The following MEIS2 variants were observed in gnomAD, a reference collection of about 807,000 sequenced individuals.
The protein encoded by MEIS2 is Meis homeobox 2, also known as homeobox protein Meis2.
Under a neutral mutation model 58.6 loss-of-function variants are expected in MEIS2, and 9 were observed. The observed-to-expected ratio is 0.15, with a 90% CI of 0.09 to 0.27. MEIS2 has a LOEUF of 0.27. MEIS2 is among the 10% of genes least tolerant of loss of function. MEIS2 has a pLI of 1.00. For synonymous variants in MEIS2, 221 were observed against 228.4 expected, an observed-to-expected ratio of 0.97 and a Z score of 0.29; for missense variants, 427 against 635.0, an observed-to-expected ratio of 0.67 and a Z score of 3.52.
At position 37,099,632 on chromosome 15, in the gene MEIS2, A is replaced by G; in HGVS notation, c.-166T>C. On this transcript the variant is annotated 5_prime_UTR_variant, in exon 1 of 12. Transcript: ENST00000561208. Reference sequence around the variant, plus strand: ...TTAGGGGGGAAAAAAAGCCCAGTCTAGACAACGAAGAATTTTTTTTTCTGT... The same window carrying G: ...TTAGGGGGGAAAAAAAGCCCAGTCTGGACAACGAAGAATTTTTTTTTCTGT... The G allele has an allele frequency of 1.1e-6, 1 of 906,714 alleles. No homozygotes were observed. The highest frequency in any genetic ancestry group is 1.6e-6 in the Non-Finnish European group (1 of 630,716). The allele number at this position is 906,714 out of a possible 1,614,324, so 56.2% of individuals were successfully genotyped here. A position where few individuals can be genotyped will look rare whatever the true frequency, so the allele number is the denominator to read the frequency against.
chr15:36,974,826 G>C (rs1052325066), intron 8 of MEIS2, among the ~76,000 whole-genome samples: 1 of 152,170 alleles, frequency 6.6e-6, no homozygotes, highest in African/African-American at 2.4e-5. Flanking sequence ...ACTGAGTTTA[G>C]GATAGACACA....
chr15:37,041,253 C>T (rs962869918), intron 7 of MEIS2, among the ~76,000 whole-genome samples: 18 of 152,208 alleles, frequency 1.2e-4, no homozygotes, highest in Non-Finnish European at 1.3e-4. Context: ...GAATCTGAAA[C>T]TCTAGGTGTG....
intron 7 of MEIS2, among the ~76,000 whole-genome samples, chr15:37,047,585 A>G (rs961743847): frequency 6.6e-6 from 1 of 152,214 alleles, no homozygotes; most frequent in African/African-American, 2.4e-5. Context: ...GGCCATTGAA[A>G]TAAAGACCCT....
intron 9 of MEIS2, among the ~76,000 whole-genome samples, chr15:36,927,183 G>T (rs2057781642): frequency 6.6e-6 from 1 of 152,158 alleles, no homozygotes; most frequent in South Asian, 2.1e-4. Flanking sequence ...GCAGCCAAAA[G>T]ATTTGCAAGG....
At chr15:36,951,753 AT>A (rs1845929734) in intron 8 of MEIS2, among the ~76,000 whole-genome samples, 1 of 152,118 alleles carries the variant, frequency 6.6e-6, no homozygotes, top group African/African-American at 2.4e-5. Flanking sequence ...ATGAAAATAA[AT>A]TTTTCTGATT....
chr15:37,098,384 GAGAGAGAGA>G, intron 1 of MEIS2, 185 bp from the exon 2 acceptor site: 1 of 753,392 alleles, frequency 1.3e-6, no homozygotes. Flanking sequence ...GAGGGGGAGA[GAGAGAGAGA>G]GAGAGAGAGA....
At position 36,953,204 on chromosome 15, in the gene MEIS2, A is replaced by G. The variant is rs146477686; in HGVS notation, c.901-2804T>C. ...GTGTTTTGGATTAATTTACAAATAT[A>G]TGTATACATTTAAGGCCAAACTGTG... is the stretch of plus-strand genomic sequence containing the variant. On this transcript the variant is annotated intron_variant, in intron 8 of 11. Coordinates refer to ENST00000561208, the MANE Select transcript of MEIS2 (RefSeq NM_170675.5). 5.7e-3 allele frequency among the ~76,000 whole-genome samples: 870 copies of G among 152,292 alleles called. 8 individuals carry two copies. Among genetic ancestry groups the G allele is most frequent in the African/African-American group, 0.02 (811 of 41,564 alleles).
At chr15:36,916,972 A>G (rs528021333) in intron 9 of MEIS2, among the ~76,000 whole-genome samples, 17 of 152,312 alleles carry the variant, frequency 1.1e-4, no homozygotes, top group African/African-American at 3.8e-4. Flanking sequence ...AGTAAGTGGC[A>G]GAAGTGGCAG....
chr15:37,020,677 T>TA (rs959717037), intron 8 of MEIS2, among the ~76,000 whole-genome samples: 8 of 150,706 alleles, frequency 5.3e-5, no homozygotes, highest in African/African-American at 1.9e-4. Context: ...TTCTGGTCTT[T>TA]TTTTTTTTTT....
intron 8 of MEIS2, among the ~76,000 whole-genome samples, chr15:37,008,892 C>A (rs1419950759): frequency 6.6e-6 from 1 of 152,154 alleles, no homozygotes; most frequent in East Asian, 1.9e-4. Flanking sequence ...CAGAATGGAA[C>A]CCTAAACCAG....
chr15:36,970,268 G>C (rs930317699), intron 8 of MEIS2, among the ~76,000 whole-genome samples: 2 of 152,036 alleles, frequency 1.3e-5, no homozygotes, highest in Non-Finnish European at 2.9e-5. Flanking sequence ...GCCAGGCGTG[G>C]TGGCGGGCGC....
intron 7 of MEIS2, among the ~76,000 whole-genome samples, chr15:37,069,063 C>CT (rs1054845783): frequency 1.3e-5 from 2 of 152,120 alleles, no homozygotes; most frequent in African/African-American, 4.8e-5. Flanking sequence ...GGCCCAATTT[C>CT]TTTTTTTCTT....
chr15:37,011,625 T>G (rs2061160626), intron 8 of MEIS2, among the ~76,000 whole-genome samples: 1 of 135,374 alleles, frequency 7.4e-6, no homozygotes. Context: ...TTTTTTTTTT[T>G]TTTTTTTTTT....
chr15:37,051,783 G>T (rs1048112837), intron 7 of MEIS2, among the ~76,000 whole-genome samples: 2 of 152,102 alleles, frequency 1.3e-5, no homozygotes, highest in African/African-American at 2.4e-5. Context: ...GGATGATTTG[G>T]GGCAGCATTT....
intron 8 of MEIS2, among the ~76,000 whole-genome samples, chr15:36,994,302 T>G (rs2141567066): frequency 1.3e-5 from 2 of 152,166 alleles, no homozygotes; most frequent in South Asian, 2.1e-4. Flanking sequence ...TTATCAAGGG[T>G]TTTCATACCC....
intron 7 of MEIS2, among the ~76,000 whole-genome samples, chr15:37,071,614 T>C (rs1890721119): frequency 6.6e-6 from 1 of 152,096 alleles, no homozygotes; most frequent in Non-Finnish European, 1.5e-5. Flanking sequence ...TTACTATCAT[T>C]TTACATAAAT....
chr15:36,935,274 C>T (rs1411260257), intron 9 of MEIS2, among the ~76,000 whole-genome samples: 1 of 151,186 alleles, frequency 6.6e-6, no homozygotes, highest in Non-Finnish European at 1.5e-5. Flanking sequence ...TTCAGCCTCC[C>T]TCCCCAACTT....
intron 7 of MEIS2, among the ~76,000 whole-genome samples, chr15:37,042,986 A>C (rs1170200453): frequency 6.6e-6 from 1 of 152,234 alleles, no homozygotes; most frequent in Non-Finnish European, 1.5e-5. Flanking sequence ...GATTACAACG[A>C]TATATTCACA....
At chr15:37,021,277 C>G (rs936803248) in intron 8 of MEIS2, among the ~76,000 whole-genome samples, 17 of 152,298 alleles carry the variant, frequency 1.1e-4, no homozygotes, top group Middle Eastern at 3.4e-3. Flanking sequence ...GCTCCCAGCC[C>G]CTACCTAAGA....
Sources: gnomAD v4.1 joint callset for allele counts (sites outside exome capture counted in the v4.1 genomes callset) on GRCh38, gnomAD v4.1.1 for gene constraint, MANE v1.5 for transcripts, NCBI Gene and HGNC (gene_info 2026-07-23, HGNC 2026-07-21) for gene names.